Variants in PDE4DIP observed in about 807,000 individuals in gnomAD.
PDE4DIP encodes myomegalin.
A neutral mutation model predicts 221.4 loss-of-function variants in PDE4DIP; 59 were observed. The ratio of observed to expected loss-of-function variants is 0.27; its 90% confidence interval spans 0.22 to 0.33. PDE4DIP has a LOEUF of 0.33. Ranked by LOEUF, PDE4DIP falls within the 10% of genes least tolerant of loss-of-function variation. The pLI is 1.00. For synonymous variants in PDE4DIP, 404 were observed against 815.9 expected (o/e 0.50, Z 8.60); for missense variants, 1,036 against 2,154.2 (o/e 0.48, Z 10.28).
chr1:148,964,266 G>A (rs1441535301), intron 9 of PDE4DIP, among the ~76,000 whole-genome samples: 19 of 151,874 alleles, frequency 1.3e-4, no homozygotes, highest in Admixed American at 6.6e-4. Flanking sequence ...GCGCCACCAC[G>A]CCTGGCTAAT....
chr1:148,947,072 TA>T (rs1430194340), intron 5 of PDE4DIP, among the ~76,000 whole-genome samples: 1 of 152,312 alleles, frequency 6.6e-6, no homozygotes, highest in Non-Finnish European at 1.5e-5. Flanking sequence ...CCCTTTTAAC[TA>T]AACTGAAAGC....
At chr1:148,857,337 T>A (rs1352278452) in intron 1 of PDE4DIP, among the ~76,000 whole-genome samples, 1 of 79,002 alleles carries the variant, frequency 1.3e-5, no homozygotes, top group Non-Finnish European at 2.2e-5. Flanking sequence ...ATTTTCACAA[T>A]AGTGCAAATC....
chr1:149,023,357 G>A (rs1296574799), intron 37 of PDE4DIP, among the ~76,000 whole-genome samples: 1 of 151,568 alleles, frequency 6.6e-6, no homozygotes, highest in Non-Finnish European at 1.5e-5. Context: ...CTGGGTACAT[G>A]TTATATATGA....
intron 22 of PDE4DIP, among the ~76,000 whole-genome samples, chr1:148,996,609 A>G (rs2064282370): frequency 6.6e-6 from 1 of 152,152 alleles, no homozygotes; most frequent in African/African-American, 2.4e-5. Context: ...CACAACCTCA[A>G]CTGCTATGCT....
chr1:149,009,740 G>A, exon 30 of PDE4DIP: 1 of 1,613,936 alleles, frequency 6.2e-7, no homozygotes, highest in Non-Finnish European at 8.5e-7. Flanking sequence ...CATGGACATA[G>A]TCAGCGAGTA....
chr1:148,927,783 G>A (rs1463609403), intron 1 of PDE4DIP, among the ~76,000 whole-genome samples: 1 of 152,162 alleles, frequency 6.6e-6, no homozygotes, highest in Non-Finnish European at 1.5e-5. Context: ...ATCTTTGCAT[G>A]CTAACGTTTA....
At chr1:148,922,742 C>T (rs1410437752) in intron 1 of PDE4DIP, among the ~76,000 whole-genome samples, 1 of 149,998 alleles carries the variant, frequency 6.7e-6, no homozygotes, top group Non-Finnish European at 1.5e-5. Flanking sequence ...TGCCCGCCAC[C>T]ACACCCGGCT....
intron 1 of PDE4DIP, among the ~76,000 whole-genome samples, chr1:148,920,218 C>T (rs1250062533): frequency 4.1e-5 from 6 of 144,936 alleles, no homozygotes; most frequent in East Asian, 4.0e-4. Context: ...CCGAAACCTC[C>T]GCCTCCTGGG....
intron 17 of PDE4DIP, among the ~76,000 whole-genome samples, chr1:148,975,804 T>C (rs370962057): frequency 0.018 from 2,773 of 152,286 alleles, 70 homozygotes; most frequent in African/African-American, 0.064. Context: ...GCTTCCTAAA[T>C]TCAGTTTAGC....
intron 5 of PDE4DIP, among the ~76,000 whole-genome samples, chr1:148,955,915 G>A (rs1163127598): frequency 6.6e-6 from 1 of 151,498 alleles, no homozygotes; most frequent in Non-Finnish European, 1.5e-5. Context: ...AAGAAATGTG[G>A]CATTTAATTA....
At chr1:148,991,472 C>A in intron 21 of PDE4DIP, 1 of 498,498 alleles carries the variant, frequency 2.0e-6, no homozygotes, top group African/African-American at 2.0e-5. Flanking sequence ...CTGAGAGATT[C>A]AGGGCAGCTC....
intron 36 of PDE4DIP, chr1:149,020,593 T>C (rs1256448955): frequency 1.3e-5 from 4 of 307,450 alleles, no homozygotes; most frequent in Non-Finnish European, 2.5e-5. Flanking sequence ...GTCTTCAGTA[T>C]ATCAGAGACA....
intron 5 of PDE4DIP, among the ~76,000 whole-genome samples, chr1:148,956,298 A>T (rs1294089823): frequency 1.3e-5 from 2 of 151,974 alleles, no homozygotes; most frequent in African/African-American, 2.4e-5. Flanking sequence ...TCCTTTGTTT[A>T]ATCCTCCACT....
chr1:148,933,779 C>T (rs1553472783), intron 4 of PDE4DIP, among the ~76,000 whole-genome samples: 1 of 152,030 alleles, frequency 6.6e-6, no homozygotes, highest in Non-Finnish European at 1.5e-5. Flanking sequence ...CCTAATGTGA[C>T]CATCAAAGCC....
intron 23 of PDE4DIP, among the ~76,000 whole-genome samples, chr1:149,000,386 C>G (rs1211143597): frequency 6.6e-6 from 1 of 152,060 alleles, no homozygotes; most frequent in Non-Finnish European, 1.5e-5. Context: ...GAAACCCCTT[C>G]GCTGCTAAAA....
chr1:148,994,345 A>G (rs1290326091), intron 22 of PDE4DIP, among the ~76,000 whole-genome samples: 1 of 150,450 alleles, frequency 6.6e-6, no homozygotes, highest in Admixed American at 6.6e-5. Context: ...GGTAGTGTGC[A>G]TCTATAGTTG....
chr1:148,890,704 G>A (rs587658852), intron 1 of PDE4DIP, among the ~76,000 whole-genome samples: 4 of 93,940 alleles, frequency 4.3e-5, no homozygotes, highest in Non-Finnish European at 6.2e-5. Context: ...GCGGTGAGAC[G>A]GGATTGCGCC....
intron 1 of PDE4DIP, among the ~76,000 whole-genome samples, chr1:148,915,118 TG>T (rs2149980646): frequency 6.7e-6 from 1 of 148,634 alleles, no homozygotes; most frequent in Non-Finnish European, 1.5e-5. Flanking sequence ...AGACTGCCAG[TG>T]CTTTCTTCTG....
At chr1:148,915,311 C>T (rs1233248602) in intron 1 of PDE4DIP, among the ~76,000 whole-genome samples, 3 of 152,272 alleles carry the variant, frequency 2.0e-5, no homozygotes, top group Admixed American at 6.5e-5. Flanking sequence ...CCACACCTGG[C>T]TAATTTTTTT....
Sources: gnomAD v4.1 joint callset for allele counts (sites outside exome capture counted in the v4.1 genomes callset) on GRCh38, gnomAD v4.1.1 for gene constraint, MANE v1.5 for transcripts, NCBI Gene and HGNC (gene_info 2026-07-23, HGNC 2026-07-21) for gene names.